PLBD1: variants seen among roughly 807,000 people sequenced by gnomAD.
PLBD1 encodes the protein phospholipase B domain containing 1.
A neutral mutation model predicts 63.0 loss-of-function variants in PLBD1; 60 were observed. The ratio of observed to expected loss-of-function variants is 0.95; its 90% CI spans 0.77 to 1.18. The LOEUF (loss-of-function observed/expected upper bound fraction) is 1.18, where lower values mean the gene tolerates loss of function less well. PLBD1 is among the 50% of genes most tolerant of loss of function. The pLI, the probability that PLBD1 is intolerant of heterozygous loss-of-function variation, is 0.00. For missense variants in PLBD1, 598 were observed against 677.9 expected, an observed-to-expected ratio of 0.88 and a Z score of 1.31; for synonymous variants, 262 against 248.0, an observed-to-expected ratio of 1.06 and a Z score of -0.53.
intron 6 of PLBD1, among the ~76,000 whole-genome samples, chr12:14,517,280 G>A (rs1249631445): frequency 6.6e-6 from 1 of 151,996 alleles, no homozygotes; most frequent in East Asian, 1.9e-4. Flanking sequence ...TGAGTAGCTG[G>A]GGCTACAGGC....
chr12:14,518,244 T>C (rs143607654), intron 6 of PLBD1, among the ~76,000 whole-genome samples: 1 of 152,160 alleles, frequency 6.6e-6, no homozygotes, highest in Non-Finnish European at 1.5e-5. Context: ...CAGAGCCAGG[T>C]ACATGGTAGG....
intron 1 of PLBD1, among the ~76,000 whole-genome samples, chr12:14,565,971 A>G (rs961813359): frequency 6.6e-6 from 1 of 152,226 alleles, no homozygotes; most frequent in African/African-American, 2.4e-5. Flanking sequence ...GCAGTTTCTT[A>G]CAAGGTGGTA....
chr12:14,509,748 A>G (rs1182093586), intron 8 of PLBD1, among the ~76,000 whole-genome samples: 2 of 152,158 alleles, frequency 1.3e-5, no homozygotes, highest in Non-Finnish European at 2.9e-5. Flanking sequence ...ATCTATTGCA[A>G]TAGTCTCCTA....
At chr12:14,506,887 A>C in intron 9 of PLBD1, 46 bp downstream of exon 9, 1 of 1,552,066 alleles carries the variant, frequency 6.4e-7, no homozygotes, top group South Asian at 1.1e-5. Flanking sequence ...TCCATAGGGA[A>C]GAAAAGGAGT....
At chr12:14,510,877 C>A (rs1333795349) in intron 8 of PLBD1, among the ~76,000 whole-genome samples, 1 of 152,194 alleles carries the variant, frequency 6.6e-6, no homozygotes, top group Non-Finnish European at 1.5e-5. Context: ...CCCTACTAGA[C>A]TCCTGAGTCC....
Position 14,518,928 on chromosome 12 carries a change from T to G in PLBD1, c.845-7217A>C, listed in dbSNP as rs1945355207. Among the ~76,000 whole-genome samples the G allele has an allele frequency of 2.0e-5, 3 of 151,838 alleles. No homozygotes were observed. In the South Asian group the frequency reaches 6.2e-4, roughly 31 times the overall value. On this transcript the variant is annotated intron_variant, in intron 6 of 10. Coordinates refer to ENST00000240617, the MANE Select transcript of PLBD1 (RefSeq NM_024829.6). ...ATATGAAAAGCACTAGGGTATTATG[T>G]ATTACCCAGCCAAAAAAAAAATGCT...
In PLBD1 at chr12:14,536,622, C is replaced by T; in HGVS notation, c.647G>A (p.Ser216Asn). The T allele has an allele frequency of 1.2e-6, 2 of 1,614,202 alleles. No homozygotes were observed. The highest frequency in any genetic ancestry group is 1.7e-6 in the Non-Finnish European group (2 of 1,180,032). ...GTCCCATCTCTTAAAAACCTTTAGG[C>T]TGCCGTTTTTTGTGGGAGAGAGTGA... is the stretch of plus-strand genomic sequence containing the variant. Reference protein sequence around the residue: ...IPSLSPTKNGSLKVFKRWDMG... With the variant: ...IPSLSPTKNGNLKVFKRWDMG... The change falls in exon 5 of 11, where the codon AGC (serine) becomes AAC (asparagine). Residue 216 changes from serine to asparagine, a missense_variant. Coordinates refer to ENST00000240617, the MANE Select transcript of PLBD1 (RefSeq NM_024829.6).
intron 6 of PLBD1, among the ~76,000 whole-genome samples, chr12:14,531,469 A>T (rs1945461153): frequency 1.3e-5 from 2 of 152,188 alleles, no homozygotes; most frequent in Non-Finnish European, 1.5e-5. Context: ...TTTGTTAATG[A>T]TGACCACAAA....
At chr12:14,518,929 A>G (rs1267007643) in intron 6 of PLBD1, among the ~76,000 whole-genome samples, 1 of 151,880 alleles carries the variant, frequency 6.6e-6, no homozygotes, top group African/African-American at 2.4e-5. Flanking sequence ...GGTATTATGT[A>G]TTACCCAGCC....
At chr12:14,547,180 TTGTGTGTGTGTGTGTGTGTG>T (rs56182227) in intron 2 of PLBD1, among the ~76,000 whole-genome samples, 2 of 138,218 alleles carry the variant, frequency 1.4e-5, no homozygotes, top group South Asian at 2.5e-4. Context: ...GCACCTGGCT[TTGTGTGTGTGTGTGTGTGTG>T]TGTGTGTGTG....
rs773839439 is a variant in PLBD1, at chr12:14,567,623, A to T, written c.74T>A (p.Leu25Gln). 103 of 175,150 alleles carry T rather than the reference A, an allele frequency of 5.9e-4. No homozygotes were observed. The highest frequency in any genetic ancestry group is 5.3e-3 in the Admixed American group (28 of 5,266). 10.8% of individuals were successfully genotyped at this position (175,150 alleles called of 1,614,324 possible). Reference sequence around the variant, plus strand: ...CTCCGCGGTGACTAACAACAGCGGCAGCAGCAGCAGCAGCAGCAGAAGCGG... The same window carrying T: ...CTCCGCGGTGACTAACAACAGCGGCTGCAGCAGCAGCAGCAGCAGAAGCGG... ...PPPLLLLLLL[L>Q]PLLLVTAEPP... is the part of the protein sequence containing the mutation. Residue 25 changes from leucine (L) to glutamine (Q), a missense_variant, in exon 1 of 11, where the codon CTG becomes CAG. Transcript: ENST00000240617.
chr12:14,565,129 A>G (rs1278123965), intron 1 of PLBD1, among the ~76,000 whole-genome samples: 1 of 152,216 alleles, frequency 6.6e-6, no homozygotes, highest in Non-Finnish European at 1.5e-5. Flanking sequence ...CTGGAATAAT[A>G]AAACTATAGA....
chr12:14,504,390 G>A (rs34363530), intron 10 of PLBD1, among the ~76,000 whole-genome samples: 3,069 of 152,238 alleles, frequency 0.02, 34 homozygotes, highest in Middle Eastern at 0.031. Flanking sequence ...TTTTCACATT[G>A]TCTTTATATG....
chr12:14,550,114 C>A (rs1278435276), intron 2 of PLBD1, among the ~76,000 whole-genome samples: 10 of 152,236 alleles, frequency 6.6e-5, no homozygotes, highest in Non-Finnish European at 1.5e-5. Flanking sequence ...ACCAAGCCTA[C>A]AACTCACTTC....
intron 1 of PLBD1, among the ~76,000 whole-genome samples, chr12:14,559,901 C>A (rs1945732784): frequency 6.6e-6 from 1 of 150,572 alleles, no homozygotes; most frequent in African/African-American, 2.4e-5. Flanking sequence ...GCTCTTATTG[C>A]CCAGGCTGGA....
At chr12:14,543,044 T>G (rs949497544) in intron 2 of PLBD1, among the ~76,000 whole-genome samples, 3 of 140,404 alleles carry the variant, frequency 2.1e-5, no homozygotes, top group African/African-American at 7.8e-5. Context: ...TGGTGTACAG[T>G]TAATATTTTT....
intron 10 of PLBD1, among the ~76,000 whole-genome samples, chr12:14,504,177 G>A (rs1212223476): frequency 6.6e-6 from 1 of 152,020 alleles, no homozygotes; most frequent in East Asian, 1.9e-4. Flanking sequence ...AGCCTCCCAA[G>A]TAGCTAGGAT....
chr12:14,512,879 G>A (rs189183232), intron 6 of PLBD1, among the ~76,000 whole-genome samples: 43 of 152,266 alleles, frequency 2.8e-4, no homozygotes, highest in Admixed American at 4.6e-4. Context: ...CACTGTCTAC[G>A]AGAAACAGAC....
chr12:14,517,979 G>A (rs1032422024), intron 6 of PLBD1, among the ~76,000 whole-genome samples: 7 of 152,234 alleles, frequency 4.6e-5, no homozygotes, highest in East Asian at 1.9e-4. Context: ...CCAGGAGTTC[G>A]AGACCAGCCT....
Sources: gnomAD v4.1 joint callset for allele counts (sites outside exome capture counted in the v4.1 genomes callset) on GRCh38, gnomAD v4.1.1 for gene constraint, MANE v1.5 for transcripts, NCBI Gene and HGNC (gene_info 2026-07-23, HGNC 2026-07-21) for gene names.